TAFA1: variants seen among roughly 807,000 people sequenced by gnomAD.
TAFA1 encodes the protein chemokine-like protein TAFA-1.
TAFA1 carries 4 observed loss-of-function variants against 18.5 expected under a neutral mutation model. That is an observed-to-expected ratio of 0.22 (90% confidence interval 0.11 to 0.49). The LOEUF (loss-of-function observed/expected upper bound fraction) is 0.49. TAFA1 is among the 20% of genes least tolerant of loss of function. The pLI is 0.98. For synonymous variants in TAFA1, 56 were observed against 55.2 expected (o/e 1.01, Z -0.06); for missense variants, 147 against 169.0 (o/e 0.87, Z 0.72).
intron 2 of TAFA1, among the ~76,000 whole-genome samples, chr3:68,283,229 T>G (rs576595950): frequency 6.6e-6 from 1 of 152,236 alleles, no homozygotes; most frequent in Non-Finnish European, 1.5e-5. Flanking sequence ...ACCCTAGAGG[T>G]TTGATAACTA....
chr3:68,486,102 GTTTTA>G (rs528561242), intron 3 of TAFA1, among the ~76,000 whole-genome samples: 23,611 of 120,548 alleles, frequency 0.2, 3,076 homozygotes, highest in South Asian at 0.31. Context: ...ATTTTATTTT[GTTTTA>G]TTTTATTTTA....
rs139613868 is a variant in TAFA1, at chr3:68,386,059, C to T, written c.119-31221C>T. On this transcript the variant is annotated intron_variant, in intron 2 of 4. Coordinates refer to ENST00000478136, the MANE Select transcript of TAFA1 (RefSeq NM_213609.4). ...TAGCCACAGAGTTCACATGGTCCCCCGAGCCTAATACTTTCACTATCTGGC... is the reference window on the plus strand; with the variant it reads ...TAGCCACAGAGTTCACATGGTCCCCTGAGCCTAATACTTTCACTATCTGGC... Among the ~76,000 whole-genome samples, 313 of 152,200 alleles carry T rather than the reference C, an allele frequency of 2.1e-3. 3 individuals are homozygous for T. Among genetic ancestry groups the T allele is most frequent in the African/African-American group, 7.1e-3 (297 of 41,546 alleles).
At chr3:68,494,011 C>T (rs377597684) in intron 3 of TAFA1, among the ~76,000 whole-genome samples, 26 of 152,164 alleles carry the variant, frequency 1.7e-4, no homozygotes, top group African/African-American at 6.0e-4. Context: ...CTTAATCTTT[C>T]TAAGTTTGAG....
intron 2 of TAFA1, among the ~76,000 whole-genome samples, chr3:68,263,311 T>C (rs1559586738): frequency 6.6e-6 from 1 of 152,142 alleles, no homozygotes; most frequent in Non-Finnish European, 1.5e-5. Context: ...CTGTTTAGTC[T>C]CTTGAATAGA....
intron 2 of TAFA1, among the ~76,000 whole-genome samples, chr3:68,224,542 T>G (rs1304131818): frequency 6.6e-6 from 1 of 152,196 alleles, no homozygotes; most frequent in Admixed American, 6.5e-5. Context: ...AGAATTGTGT[T>G]TGTTTCCTGA....
rs368776629 is a variant in TAFA1 at position 68,238,915 on chromosome 3, T to C, written c.119-178365T>C. Among the ~76,000 whole-genome samples, 9 of 152,310 alleles carry C rather than the reference T, an allele frequency of 5.9e-5. No homozygotes were observed. In the East Asian group the frequency reaches 1.7e-3, roughly 29 times the overall value. On this transcript the variant is annotated intron_variant, in intron 2 of 4. Coordinates refer to ENST00000478136, the MANE Select transcript of TAFA1 (RefSeq NM_213609.4). ...ATTTAGGTTTGAAACTTGTAGAAAC[T>C]AATGATCTATGGAATTCTTTGGGGG...
At chr3:68,269,317 A>G (rs1419740548) in intron 2 of TAFA1, among the ~76,000 whole-genome samples, 1 of 151,906 alleles carries the variant, frequency 6.6e-6, no homozygotes, top group African/African-American at 2.4e-5. Context: ...CTAGCTAGGC[A>G]TAGTGGCACA....
At chr3:68,099,740 T>G (rs752047794) in intron 2 of TAFA1, among the ~76,000 whole-genome samples, 1 of 151,944 alleles carries the variant, frequency 6.6e-6, no homozygotes, top group Non-Finnish European at 1.5e-5. Context: ...AGACATATAA[T>G]CAACATAGGT....
intron 2 of TAFA1, among the ~76,000 whole-genome samples, chr3:68,335,291 G>C (rs963489726): frequency 6.6e-6 from 1 of 152,162 alleles, no homozygotes; most frequent in African/African-American, 2.4e-5. Flanking sequence ...CATAAAAAAT[G>C]ATAAGCACTT....
At chr3:68,518,312 C>G (rs2072958700) in intron 3 of TAFA1, among the ~76,000 whole-genome samples, 1 of 151,994 alleles carries the variant, frequency 6.6e-6, no homozygotes. Context: ...TGGCACAGAG[C>G]CTGATCCACA....
At chr3:68,457,055 A>G (rs2071679794) in intron 3 of TAFA1, among the ~76,000 whole-genome samples, 1 of 152,212 alleles carries the variant, frequency 6.6e-6, no homozygotes, top group African/African-American at 2.4e-5. Context: ...AATTTACTGG[A>G]GAGATGTACT....
chr3:67,997,523 T>C, the TAFA1 span, among the ~76,000 whole-genome samples: 1 of 152,194 alleles, frequency 6.6e-6, no homozygotes, highest in Non-Finnish European at 1.5e-5. Flanking sequence ...ATTGCTATTT[T>C]CCTGTGTTTT....
At chr3:68,516,816 C>G (rs2072927209) in intron 3 of TAFA1, among the ~76,000 whole-genome samples, 1 of 152,022 alleles carries the variant, frequency 6.6e-6, no homozygotes, top group African/African-American at 2.4e-5. Context: ...GCTCTGTCAC[C>G]CAGGCTGGAG....
intron 3 of TAFA1, among the ~76,000 whole-genome samples, chr3:68,507,523 T>C (rs145591567): frequency 1.4e-3 from 210 of 152,246 alleles, no homozygotes; most frequent in Non-Finnish European, 2.2e-3. Flanking sequence ...TGTAGTACCT[T>C]CTACCTATAC....
intron 2 of TAFA1, among the ~76,000 whole-genome samples, chr3:68,311,644 G>A (rs971629936): frequency 2.0e-5 from 3 of 152,234 alleles, no homozygotes; most frequent in Non-Finnish European, 2.9e-5. Flanking sequence ...GATGCAAGAG[G>A]TGGGTTCCCA....
intron 2 of TAFA1, among the ~76,000 whole-genome samples, chr3:68,054,273 AG>A (rs1337324257): frequency 1.3e-5 from 2 of 152,068 alleles, no homozygotes; most frequent in African/African-American, 2.4e-5. Flanking sequence ...GCCAGGGGTC[AG>A]GGGAGTAGGG....
intron 2 of TAFA1, among the ~76,000 whole-genome samples, chr3:68,240,988 T>C (rs1189744612): frequency 6.6e-6 from 1 of 152,156 alleles, no homozygotes; most frequent in Non-Finnish European, 1.5e-5. Context: ...AAATCAGCTC[T>C]AGTGTGGATA....
chr3:68,235,122 C>T (rs550450894), intron 2 of TAFA1, among the ~76,000 whole-genome samples: 2 of 151,320 alleles, frequency 1.3e-5, no homozygotes, highest in East Asian at 1.9e-4. Flanking sequence ...AGGGGCTGCT[C>T]TCTAAGGATC....
intron 2 of TAFA1, among the ~76,000 whole-genome samples, chr3:68,303,149 T>C (rs1031848340): frequency 2.0e-5 from 3 of 150,294 alleles, no homozygotes; most frequent in Non-Finnish European, 3.0e-5. Flanking sequence ...TGAATGAAAG[T>C]ACTTTTACTG....
Sources: allele counts gnomAD v4.1 joint callset (sites outside exome capture counted in the v4.1 genomes callset), GRCh38; gene constraint gnomAD v4.1.1; transcripts MANE v1.5; gene names NCBI Gene and HGNC (gene_info 2026-07-23, HGNC 2026-07-21).